FANCD2: variants seen among roughly 807,000 people sequenced by gnomAD.
FANCD2 encodes Fanconi anemia group D2 protein.
FANCD2 carries 131 observed loss-of-function variants against 192.3 expected under a neutral mutation model. That is an observed-to-expected ratio of 0.68 (90% CI 0.59 to 0.79). The LOEUF is 0.79. FANCD2 is among the 30% of genes least tolerant of loss of function. The pLI, the probability that FANCD2 is intolerant of heterozygous loss-of-function variation, is 0.00. For synonymous variants in FANCD2, 524 were observed against 612.5 expected, an observed-to-expected ratio of 0.86 and a Z score of 2.13; for missense variants, 1,508 against 1,701.6, an observed-to-expected ratio of 0.89 and a Z score of 2.00.
At chr3:10,069,459 G>GGCCCTCGCTCTCCCTCTC (rs758011243) in intron 26 of FANCD2, among the ~76,000 whole-genome samples, 1 of 129,430 alleles carries the variant, frequency 7.7e-6, no homozygotes, top group African/African-American at 3.9e-5. Context: ...TAGTTAAGAT[G>GGCCCTCGCTCTCCCTCTC]CCTCTCCCCC....
Position 10,101,372 on chromosome 3 carries a change from T to A in FANCD2, c.*110T>A. ...TTCTTACTGGTAGGATCCTTTTTTG[T>A]TCCTCTTTTTTTTTTTTTTTTTTTT... On this transcript the variant is annotated 3_prime_UTR_variant, in exon 44 of 44. Coordinates refer to ENST00000675286, the MANE Select transcript of FANCD2 (RefSeq NM_001018115.3). 1.5e-6 allele frequency: 1 copy of A among 652,918 alleles called. No homozygotes were observed. Among genetic ancestry groups the A allele is most frequent in the Non-Finnish European group, 2.7e-6 (1 of 376,810 alleles). 40.4% of individuals were successfully genotyped at this position (652,918 alleles called of 1,614,324 possible). A position where few individuals can be genotyped will look rare whatever the true frequency, so the allele number is the denominator to read the frequency against.
chr3:10,087,280 C>CATT lies in FANCD2; in HGVS notation c.3466+16_3466+17insATT. The CATT allele has an allele frequency of 1.6e-6, 2 of 1,272,488 alleles. No homozygotes were observed. Among genetic ancestry groups the CATT allele is most frequent in the Non-Finnish European group, 1.1e-6 (1 of 946,468 alleles). The allele number at this position is 1,272,488 out of a possible 1,614,324, so 78.8% of individuals were successfully genotyped here. A position where few individuals can be genotyped will look rare whatever the true frequency, so the allele number is the denominator to read the frequency against. ...GAAAAAATTGGTGATGGGCCTAGAT[C>CATT]CTTTTTTTTTTTTTTTTTTTAATGA... On this transcript the variant is annotated intron_variant, in intron 34 of 43. Transcript: ENST00000675286.
At chr3:10,069,731 C>T (rs534382676) in intron 26 of FANCD2, among the ~76,000 whole-genome samples, 35 of 152,268 alleles carry the variant, frequency 2.3e-4, no homozygotes, top group African/African-American at 7.2e-4. Context: ...CCCGAGGTGC[C>T]GGGATTGCAG....
intron 42 of FANCD2, 108 bp from the exon 43 acceptor site, chr3:10,098,612 A>T: frequency 7.2e-7 from 1 of 1,396,442 alleles, no homozygotes; most frequent in Non-Finnish European, 9.8e-7. Context: ...CTGTGTTTTG[A>T]ATGGCTAAAA....
chr3:10,036,371 A>G, intron 7 of FANCD2, 32 bp downstream of exon 7: 2 of 1,495,546 alleles, frequency 1.3e-6, no homozygotes, highest in Non-Finnish European at 1.9e-6. Flanking sequence ...TGTTCAAAGT[A>G]CCCTGATGTA....
Position 10,041,481 on chromosome 3 carries a change from G to A in FANCD2, c.696-142G>A, listed in dbSNP as rs2086861880. ...TTTTGCAGTCAAAACAATTTTTAAA[G>A]AAACATACTATAAACGGTAACTTAA... On this transcript the variant is annotated intron_variant, in intron 9 of 43. Coordinates refer to ENST00000675286, the MANE Select transcript of FANCD2 (RefSeq NM_001018115.3). 1.6e-5 allele frequency: 10 copies of A among 634,492 alleles called. No individual in the cohort carries two copies. In the Admixed American group the frequency reaches 1.6e-4, roughly 10 times the overall value. The allele number at this position is 634,492 out of a possible 1,614,324, so 39.3% of individuals were successfully genotyped here.
chr3:10,041,354 A>G (rs928365386), intron 9 of FANCD2: 19 of 386,846 alleles, frequency 4.9e-5, no homozygotes, highest in Admixed American at 8.2e-5. Context: ...AAGGATACAT[A>G]CCAAACTAAA....
chr3:10,079,660 G>A (rs1693724185), intron 30 of FANCD2, among the ~76,000 whole-genome samples: 1 of 152,050 alleles, frequency 6.6e-6, no homozygotes, highest in Admixed American at 6.6e-5. Flanking sequence ...GAACATTCCT[G>A]AATCCTGTTC....
intron 26 of FANCD2, among the ~76,000 whole-genome samples, chr3:10,070,190 C>T (rs1409515902): frequency 3.3e-5 from 5 of 150,302 alleles, no homozygotes; most frequent in East Asian, 2.0e-4. Context: ...GCCCGGCAAC[C>T]GCCCCGTCTG....
At chr3:10,089,010 C>A in intron 36 of FANCD2, 60 bp downstream of exon 36, 1 of 1,582,334 alleles carries the variant, frequency 6.3e-7, no homozygotes, top group Non-Finnish European at 8.7e-7. Context: ...AGGCTGGGCA[C>A]GGTGGCACAC....
intron 26 of FANCD2, among the ~76,000 whole-genome samples, chr3:10,071,369 TAC>T (rs1013130066): frequency 3.3e-5 from 5 of 152,134 alleles, no homozygotes; most frequent in African/African-American, 1.2e-4. Context: ...GAAATCAGTA[TAC>T]CAAGGAGATA....
At chr3:10,032,315 C>G (rs1325432713) in intron 2 of FANCD2, 1 of 420,262 alleles carries the variant, frequency 2.4e-6, no homozygotes, top group African/African-American at 2.1e-5. Context: ...GGATTTCACT[C>G]TGTCACCCAG....
At chr3:10,042,435 C>T in intron 10 of FANCD2, 124 bp from the exon 11 acceptor site, 1 of 849,212 alleles carries the variant, frequency 1.2e-6, no homozygotes, top group Non-Finnish European at 2.0e-6. Flanking sequence ...TTGTTTTTCC[C>T]TAAATTATAA....
At chr3:10,034,339 A>AG in intron 3 of FANCD2, 130 bp from the exon 4 acceptor site, 1 of 715,288 alleles carries the variant, frequency 1.4e-6, no homozygotes, top group East Asian at 2.6e-5. Flanking sequence ...AAAAAAAAAA[A>AG]AAAAAAGATT....
chr3:10,081,700 T>C (rs1461936301), intron 32 of FANCD2, among the ~76,000 whole-genome samples: 1 of 152,208 alleles, frequency 6.6e-6, no homozygotes, highest in African/African-American at 2.4e-5. Context: ...GCTGATGAGC[T>C]GATAACAGAT....
rs770421515 is a variant in FANCD2, at chr3:10,052,414, T to G, written c.1573T>G (p.Ser525Ala). The change falls in exon 18 of 44, where the codon TCC becomes GCC. Residue 525 changes from serine (S) to alanine (A), a missense_variant. Transcript: ENST00000675286. The stretch of plus-strand genomic sequence containing the variant: ...CATTTTAGATTATCTGGATAACATA[T>G]CCCCTCAGCAAATACGAAAACTCTT... ...KGILDYLDNI[S>A]PQQIRKLFYV... 5 of 1,612,662 alleles carry G rather than the reference T, an allele frequency of 3.1e-6. No individual in the cohort carries two copies. Among genetic ancestry groups the G allele is most frequent in the Non-Finnish European group, 4.2e-6 (5 of 1,178,998 alleles).
chr3:10,029,109 G>T (rs1300161800), intron 2 of FANCD2, among the ~76,000 whole-genome samples: 1 of 152,102 alleles, frequency 6.6e-6, no homozygotes, highest in Non-Finnish European at 1.5e-5. Context: ...GATGTGAAAG[G>T]AAAAATACAT....
At chr3:10,099,401 T>C (rs1575879859) in intron 43 of FANCD2, 27 of 1,020,806 alleles carry the variant, frequency 2.6e-5, no homozygotes, top group Non-Finnish European at 3.0e-5. Flanking sequence ...GGTAGGAGGA[T>C]TGCTTGAGTC....
rs1695126174 is a variant in FANCD2, at chr3:10,098,714, AT to A, written c.4186-3del. On this transcript the variant is annotated splice_region_variant and splice_polypyrimidine_tract_variant and intron_variant, in intron 42 of 43. Transcript: ENST00000675286. ...CCCACCATTTTCTTGGTCCATTCACATTTAGGGTGAAGAGATTAAGTCCCAA... is the reference window on the plus strand; with the variant it reads ...CCCACCATTTTCTTGGTCCATTCACATTAGGGTGAAGAGATTAAGTCCCAA... 3 of 1,614,016 alleles carry A rather than the reference AT, an allele frequency of 1.9e-6. No individual in the cohort carries two copies. The African/African-American group carries it at 4.0e-5, about 22-fold the overall frequency.
Sources: allele counts gnomAD v4.1 joint callset (sites outside exome capture counted in the v4.1 genomes callset), GRCh38; gene constraint gnomAD v4.1.1; transcripts MANE v1.5; gene names NCBI Gene and HGNC (gene_info 2026-07-23, HGNC 2026-07-21).